The following KCNIP4 variants were observed in gnomAD, a reference collection of about 807,000 sequenced individuals.
KCNIP4 encodes the protein potassium voltage-gated channel interacting protein 4.
In KCNIP4, 12 loss-of-function variants were observed where a neutral mutation model predicts 34.0. The observed-to-expected ratio is 0.35, with a 90% CI of 0.23 to 0.57. The LOEUF (loss-of-function observed/expected upper bound fraction) is 0.57. Among genes scored for constraint, KCNIP4 ranks in the 20% least tolerant of loss-of-function variants. KCNIP4 has a pLI of 0.83. For missense variants in KCNIP4, 238 were observed against 311.7 expected (o/e 0.76, Z 1.78); for synonymous variants, 124 against 102.2 (o/e 1.21, Z -1.29).
chr4:21,454,546 G>A (rs557942017), intron 1 of KCNIP4, among the ~76,000 whole-genome samples: 37 of 152,196 alleles, frequency 2.4e-4, no homozygotes, highest in African/African-American at 8.7e-4. Context: ...ATCCTTTTCT[G>A]TAACAAAGGT....
chr4:21,426,902 CTT>C (rs112089496), intron 1 of KCNIP4, among the ~76,000 whole-genome samples: 22 of 97,242 alleles, frequency 2.3e-4, no homozygotes, highest in Non-Finnish European at 3.2e-4. Flanking sequence ...ACTTTTTTAA[CTT>C]TTTTTTTTTT....
At position 21,426,788 on chromosome 4, in the gene KCNIP4, G is replaced by T. The variant is rs552300202; in HGVS notation, c.61+521783C>A. On this transcript the variant is annotated intron_variant, in intron 1 of 8. Coordinates refer to ENST00000382152, the MANE Select transcript of KCNIP4 (RefSeq NM_025221.6). Reference sequence around the variant, plus strand: ...GTAAAAAAAAAAAATTAGTTTTAAGGCTTTTAATTTTTTCTCCATTGTTTC... The same window carrying T: ...GTAAAAAAAAAAAATTAGTTTTAAGTCTTTTAATTTTTTCTCCATTGTTTC... Among the ~76,000 whole-genome samples the T allele has an allele frequency of 3.3e-5, 5 of 151,794 alleles. No individual in the cohort carries two copies. In the South Asian group the frequency reaches 1.0e-3, roughly 31 times the overall value.
chr4:20,820,665 T>C (rs2149444640), intron 3 of KCNIP4, among the ~76,000 whole-genome samples: 2 of 152,162 alleles, frequency 1.3e-5, no homozygotes. Flanking sequence ...CTGAAGGCAT[T>C]TCAGAGAGCT....
chr4:21,812,471 AGT>A (rs1261307912), intron 1 of KCNIP4, among the ~76,000 whole-genome samples: 2 of 152,208 alleles, frequency 1.3e-5, no homozygotes, highest in Non-Finnish European at 2.9e-5. Context: ...AACTAAAAAA[AGT>A]AAACAACACA....
At chr4:21,760,918 C>A (rs928831909) in intron 1 of KCNIP4, among the ~76,000 whole-genome samples, 2 of 152,078 alleles carry the variant, frequency 1.3e-5, no homozygotes, top group Admixed American at 6.6e-5. Flanking sequence ...GATATTCATT[C>A]ACCAACTACT....
At chr4:20,911,211 T>A (rs892893962) in intron 1 of KCNIP4, among the ~76,000 whole-genome samples, 1 of 152,204 alleles carries the variant, frequency 6.6e-6, no homozygotes. Context: ...TACTCTTGTT[T>A]GTAGAAATGA....
chr4:20,996,029 T>C (rs1737521592), intron 1 of KCNIP4, among the ~76,000 whole-genome samples: 1 of 152,194 alleles, frequency 6.6e-6, no homozygotes, highest in Admixed American at 6.5e-5. Context: ...AGTCTGAGCT[T>C]GACCATGAGT....
intron 1 of KCNIP4, among the ~76,000 whole-genome samples, chr4:21,520,415 G>A (rs1240281705): frequency 6.6e-6 from 1 of 152,154 alleles, no homozygotes; most frequent in African/African-American, 2.4e-5. Context: ...ATAGTAGCCA[G>A]AATTGACTAA....
At chr4:21,333,601 T>C (rs1053649411) in intron 1 of KCNIP4, among the ~76,000 whole-genome samples, 3 of 152,010 alleles carry the variant, frequency 2.0e-5, no homozygotes, top group Non-Finnish European at 4.4e-5. Flanking sequence ...ATTTTTTCGT[T>C]CTATACTCCC....
intron 1 of KCNIP4, among the ~76,000 whole-genome samples, chr4:21,739,941 A>C (rs1022250881): frequency 1.4e-4 from 22 of 152,256 alleles, no homozygotes; most frequent in African/African-American, 4.6e-4. Context: ...TTTCTGATTT[A>C]ATTTGCCTTC....
intron 1 of KCNIP4, among the ~76,000 whole-genome samples, chr4:21,579,714 G>A (rs1378291669): frequency 6.6e-6 from 1 of 152,040 alleles, no homozygotes; most frequent in South Asian, 2.1e-4. Context: ...CAGAGTAAAT[G>A]GATAATTCAG....
At chr4:21,573,405 G>T (rs1425212304) in intron 1 of KCNIP4, among the ~76,000 whole-genome samples, 1 of 151,970 alleles carries the variant, frequency 6.6e-6, no homozygotes, top group East Asian at 1.9e-4. Context: ...AAGCACCTTA[G>T]ATATTTCTTT....
chr4:20,865,045 C>A (rs567815009), intron 2 of KCNIP4, among the ~76,000 whole-genome samples: 6 of 152,088 alleles, frequency 3.9e-5, no homozygotes, highest in Non-Finnish European at 8.8e-5. Flanking sequence ...ACTGGCTCTT[C>A]ATTATCATAT....
intron 1 of KCNIP4, among the ~76,000 whole-genome samples, chr4:21,183,005 C>T (rs1262839888): frequency 6.6e-6 from 1 of 152,048 alleles, no homozygotes; most frequent in African/African-American, 2.4e-5. Context: ...ACATCTAACC[C>T]ACCACCACTC....
intron 1 of KCNIP4, among the ~76,000 whole-genome samples, chr4:20,898,451 A>G (rs945627322): frequency 3.3e-5 from 5 of 152,184 alleles, no homozygotes; most frequent in African/African-American, 1.2e-4. Context: ...AGGGGATATT[A>G]TTAATAATGA....
intron 1 of KCNIP4, among the ~76,000 whole-genome samples, chr4:21,424,642 C>CT (rs758720545): frequency 1.8e-4 from 27 of 152,020 alleles, no homozygotes; most frequent in Non-Finnish European, 3.7e-4. Context: ...AGCAAGCTTA[C>CT]TTTTTTTAGG....
chr4:20,940,215 G>T (rs1220170759), intron 1 of KCNIP4, among the ~76,000 whole-genome samples: 2 of 152,122 alleles, frequency 1.3e-5, no homozygotes, highest in African/African-American at 4.8e-5. Context: ...TTCTAGGAAG[G>T]CTCCCTGACC....
chr4:21,405,388 A>G (rs901994332), intron 1 of KCNIP4, among the ~76,000 whole-genome samples: 1 of 152,188 alleles, frequency 6.6e-6, no homozygotes, highest in Non-Finnish European at 1.5e-5. Flanking sequence ...TGTCTTTAAC[A>G]TAACTAAACA....
chr4:21,574,661 TGA>T (rs914221779), intron 1 of KCNIP4, among the ~76,000 whole-genome samples: 17 of 152,194 alleles, frequency 1.1e-4, no homozygotes, highest in African/African-American at 4.1e-4. Flanking sequence ...ACCCTCAAAT[TGA>T]GAGTGTAAGG....
Sources: allele counts gnomAD v4.1 joint callset (sites outside exome capture counted in the v4.1 genomes callset), GRCh38; gene constraint gnomAD v4.1.1; transcripts MANE v1.5; gene names NCBI Gene and HGNC (gene_info 2026-07-23, HGNC 2026-07-21).